Variants in RBPJ observed in about 807,000 individuals in gnomAD.
The protein encoded by RBPJ is recombination signal binding protein for immunoglobulin kappa J region, also known as recombining binding protein suppressor of hairless.
A neutral mutation model predicts 67.8 loss-of-function variants in RBPJ; 9 were observed. That is an observed-to-expected ratio of 0.13 (90% CI 0.08 to 0.23). The LOEUF (loss-of-function observed/expected upper bound fraction) is 0.23, where lower values mean the gene tolerates loss of function less well. Among genes scored for constraint, RBPJ ranks in the 10% least tolerant of loss-of-function variants. The pLI is 1.00. For synonymous variants in RBPJ, 198 were observed against 203.3 expected, an observed-to-expected ratio of 0.97 and a Z score of 0.22; for missense variants, 305 against 595.6, an observed-to-expected ratio of 0.51 and a Z score of 5.08.
chr4:26,121,253 C>T, the RBPJ span, among the ~76,000 whole-genome samples: 960 of 152,184 alleles, frequency 6.3e-3, 6 homozygotes, highest in African/African-American at 0.021. Context: ...TGCTTTTTCA[C>T]CTCTGAATCT....
intron 1 of RBPJ, among the ~76,000 whole-genome samples, chr4:26,204,096 C>T (rs1342295281): frequency 6.6e-6 from 1 of 152,126 alleles, no homozygotes; most frequent in African/African-American, 2.4e-5. Context: ...AGGTGCGTGC[C>T]ACCATGCCTG....
chr4:26,251,048 T>C (rs1483065349), intron 1 of RBPJ, among the ~76,000 whole-genome samples: 2 of 152,208 alleles, frequency 1.3e-5, no homozygotes, highest in Non-Finnish European at 2.9e-5. Flanking sequence ...CAATGTAAAA[T>C]TGTGTGCTTT....
At chr4:26,266,837 A>G (rs905021638) in intron 1 of RBPJ, among the ~76,000 whole-genome samples, 2 of 152,230 alleles carry the variant, frequency 1.3e-5, no homozygotes, top group African/African-American at 2.4e-5. Context: ...AGAAAACCTC[A>G]GTGCTAGAAA....
intron 1 of RBPJ, among the ~76,000 whole-genome samples, chr4:26,211,784 C>A (rs1159036718): frequency 2.0e-5 from 3 of 152,122 alleles, no homozygotes; most frequent in Non-Finnish European, 4.4e-5. Context: ...AAGTCTGAAC[C>A]TCTAATGCCC....
At chr4:26,120,948 A>G in the RBPJ span, among the ~76,000 whole-genome samples, 1 of 118,190 alleles carries the variant, frequency 8.5e-6, no homozygotes. Flanking sequence ...GGAAGGAGAG[A>G]GAGATGAAGG....
chr4:26,133,627 C>T, the RBPJ span, among the ~76,000 whole-genome samples: 5 of 152,280 alleles, frequency 3.3e-5, no homozygotes, highest in East Asian at 7.7e-4. Context: ...CTGATAGGAG[C>T]GTGAACCCTA....
At chr4:26,291,371 G>T (rs1721661561) in intron 1 of RBPJ, among the ~76,000 whole-genome samples, 1 of 110,914 alleles carries the variant, frequency 9.0e-6, no homozygotes, top group Admixed American at 9.9e-5. Flanking sequence ...AGTACTGAAG[G>T]ATGTTATCAC....
the RBPJ span, among the ~76,000 whole-genome samples, chr4:26,154,745 A>G: frequency 2.0e-5 from 3 of 152,224 alleles, no homozygotes; most frequent in African/African-American, 7.2e-5. Flanking sequence ...GGCAAGGCCT[A>G]AGGAAGCTTA....
intron 1 of RBPJ, among the ~76,000 whole-genome samples, chr4:26,363,462 C>A (rs1029479076): frequency 4.0e-5 from 6 of 148,920 alleles, no homozygotes; most frequent in African/African-American, 9.9e-5. Context: ...TTGTTGAGAC[C>A]GATTCTTGCT....
the RBPJ span, among the ~76,000 whole-genome samples, chr4:26,131,838 G>T: frequency 1.3e-5 from 2 of 152,176 alleles, no homozygotes; most frequent in African/African-American, 4.8e-5. Context: ...GTGGTTGTTT[G>T]TTACAGCAGC....
At chr4:26,420,414 A>C in intron 4 of RBPJ, 137 bp from the exon 5 acceptor site, 2 of 522,954 alleles carry the variant, frequency 3.8e-6, no homozygotes, top group Non-Finnish European at 3.3e-6. Context: ...TATAGTTGAT[A>C]ATTTTTAGAG....
intron 1 of RBPJ, among the ~76,000 whole-genome samples, chr4:26,267,623 A>T (rs571416547): frequency 1.3e-5 from 2 of 151,780 alleles, no homozygotes; most frequent in South Asian, 2.1e-4. Flanking sequence ...TTATTTATTT[A>T]TTTTTTGAGA....
intron 1 of RBPJ, among the ~76,000 whole-genome samples, chr4:26,204,359 G>A (rs1299654761): frequency 6.6e-6 from 1 of 152,210 alleles, no homozygotes. Flanking sequence ...TGAAAGAGGT[G>A]TCGCCTTTGA....
chr4:26,119,531 T>A, the RBPJ span, among the ~76,000 whole-genome samples: 1 of 152,210 alleles, frequency 6.6e-6, no homozygotes, highest in Non-Finnish European at 1.5e-5. Flanking sequence ...AAACTGTCCA[T>A]GTCTGTGCTT....
intron 1 of RBPJ, among the ~76,000 whole-genome samples, chr4:26,288,099 G>A (rs1265090814): frequency 6.6e-6 from 1 of 152,200 alleles, no homozygotes; most frequent in Non-Finnish European, 1.5e-5. Flanking sequence ...AGGATGGGTA[G>A]ATAACTACAG....
At chr4:26,353,609 C>CTTT (rs5856939) in intron 1 of RBPJ, among the ~76,000 whole-genome samples, 1 of 127,710 alleles carries the variant, frequency 7.8e-6, no homozygotes, top group Admixed American at 8.0e-5. Flanking sequence ...TCACAGTATT[C>CTTT]TTTTTTTTTT....
At chr4:26,272,387 G>A (rs1411903136) in intron 1 of RBPJ, among the ~76,000 whole-genome samples, 1 of 152,084 alleles carries the variant, frequency 6.6e-6, no homozygotes, top group African/African-American at 2.4e-5. Context: ...GCAATGTAGT[G>A]AGACTCCATC....
chr4:26,295,881 G>A (rs772964254), intron 1 of RBPJ, among the ~76,000 whole-genome samples: 4 of 152,130 alleles, frequency 2.6e-5, no homozygotes, highest in South Asian at 4.2e-4. Flanking sequence ...GTTAACCCCT[G>A]GGGTGAAATT....
At chr4:26,336,151 T>C (rs1013617868) in intron 1 of RBPJ, among the ~76,000 whole-genome samples, 9 of 152,192 alleles carry the variant, frequency 5.9e-5, no homozygotes, top group African/African-American at 1.4e-4. Flanking sequence ...ATATTAATTG[T>C]AGGCTAAATC....
Sources: allele counts gnomAD v4.1 joint callset (sites outside exome capture counted in the v4.1 genomes callset), GRCh38; gene constraint gnomAD v4.1.1; transcripts MANE v1.5; gene names NCBI Gene and HGNC (gene_info 2026-07-23, HGNC 2026-07-21).